The following DGKB variants were observed in gnomAD, a reference collection of about 807,000 sequenced individuals.
DGKB encodes diacylglycerol kinase beta.
DGKB carries 67 observed loss-of-function variants against 114.3 expected under a neutral mutation model. The observed-to-expected ratio is 0.59, with a 90% CI of 0.48 to 0.72. The LOEUF is 0.72. Among genes scored for constraint, DGKB ranks in the 30% least tolerant of loss-of-function variants. DGKB has a pLI of 0.00. For synonymous variants in DGKB, 398 were observed against 323.1 expected (o/e 1.23, Z -2.49); for missense variants, 907 against 975.2 (o/e 0.93, Z 0.93).
intron 13 of DGKB, among the ~76,000 whole-genome samples, chr7:14,644,095 T>C (rs1157852478): frequency 1.3e-5 from 2 of 149,406 alleles, no homozygotes; most frequent in Non-Finnish European, 3.0e-5. Context: ...AAATCACATA[T>C]GCTACTGATT....
At chr7:14,753,824 T>C in intron 4 of DGKB, 104 bp downstream of exon 4, 1 of 794,318 alleles carries the variant, frequency 1.3e-6, no homozygotes, top group Non-Finnish European at 2.1e-6. Context: ...ATAGAAATCA[T>C]ATTGGTACAG....
intron 13 of DGKB, among the ~76,000 whole-genome samples, chr7:14,652,885 C>CA (rs1284367520): frequency 2.6e-5 from 4 of 151,744 alleles, no homozygotes; most frequent in East Asian, 1.9e-4. Context: ...TTTATGCAGC[C>CA]AAAAAAACAC....
intron 1 of DGKB, among the ~76,000 whole-genome samples, chr7:14,879,737 T>C (rs1853925519): frequency 6.6e-6 from 1 of 152,144 alleles, no homozygotes; most frequent in Admixed American, 6.5e-5. Flanking sequence ...CATGGTAAAA[T>C]ACCTCAATGC....
At chr7:14,715,329 C>T (rs1026159545) in intron 6 of DGKB, among the ~76,000 whole-genome samples, 1 of 152,018 alleles carries the variant, frequency 6.6e-6, no homozygotes, top group Non-Finnish European at 1.5e-5. Context: ...AAGTGAATGG[C>T]TGAAAGAAAA....
chr7:14,330,418 A>C (rs1809520111), intron 23 of DGKB, among the ~76,000 whole-genome samples: 1 of 151,980 alleles, frequency 6.6e-6, no homozygotes, highest in East Asian at 1.9e-4. Context: ...CTTTTCAGGA[A>C]TGAACAAATT....
intron 5 of DGKB, among the ~76,000 whole-genome samples, chr7:14,726,865 C>T (rs73682513): frequency 0.019 from 2,954 of 152,168 alleles, 90 homozygotes; most frequent in African/African-American, 0.067. Flanking sequence ...TAAAACCAGA[C>T]CCCAGGTACT....
chr7:14,914,904 G>T (rs143317029), intron 1 of DGKB, among the ~76,000 whole-genome samples: 1 of 152,002 alleles, frequency 6.6e-6, no homozygotes, highest in Non-Finnish European at 1.5e-5. Flanking sequence ...GGTCTCATCC[G>T]TAGACTGGAC....
At chr7:14,359,105 T>C (rs1237933216) in intron 21 of DGKB, among the ~76,000 whole-genome samples, 2 of 151,732 alleles carry the variant, frequency 1.3e-5, no homozygotes, top group Non-Finnish European at 2.9e-5. Context: ...AAAACAGATA[T>C]ATATATATAT....
At chr7:14,464,215 C>T (rs1833512463) in intron 21 of DGKB, among the ~76,000 whole-genome samples, 1 of 151,752 alleles carries the variant, frequency 6.6e-6, no homozygotes, top group African/African-American at 2.4e-5. Flanking sequence ...GTAAAACAGC[C>T]AAAATAATTA....
upstream of DGKB, among the ~76,000 whole-genome samples, chr7:14,906,447 CTTTTTTTTTT>C (rs34250901): frequency 6.7e-5 from 7 of 103,866 alleles, no homozygotes; most frequent in South Asian, 3.2e-4. Context: ...TTTTTTCTGT[CTTTTTTTTTT>C]TTTTTTTTTT....
intron 21 of DGKB, among the ~76,000 whole-genome samples, chr7:14,452,071 C>T (rs1045833873): frequency 5.3e-5 from 8 of 152,202 alleles, no homozygotes; most frequent in African/African-American, 1.9e-4. Flanking sequence ...TGGAAAGGTA[C>T]ACCTGTTTTT....
chr7:14,767,989 G>A (rs769756986), intron 2 of DGKB, among the ~76,000 whole-genome samples: 1 of 151,836 alleles, frequency 6.6e-6, no homozygotes, highest in African/African-American at 2.4e-5. Context: ...TTGACAATTA[G>A]TTTCTGAACA....
intron 22 of DGKB, among the ~76,000 whole-genome samples, chr7:14,344,979 T>G (rs1435102295): frequency 6.6e-6 from 1 of 151,714 alleles, no homozygotes; most frequent in Non-Finnish European, 1.5e-5. Flanking sequence ...TTATGTATTC[T>G]GCAACTTTTT....
At chr7:14,969,079 A>C (rs1787319843) in intron 1 of DGKB, among the ~76,000 whole-genome samples, 1 of 152,214 alleles carries the variant, frequency 6.6e-6, no homozygotes, top group Non-Finnish European at 1.5e-5. Context: ...AAACAATCAT[A>C]ACAATTGCAG....
At chr7:14,177,574 A>C (rs1781965136) in intron 24 of DGKB, among the ~76,000 whole-genome samples, 1 of 150,818 alleles carries the variant, frequency 6.6e-6, no homozygotes, top group Non-Finnish European at 1.5e-5. Flanking sequence ...AAAAAAAAAA[A>C]AAAAAATTGG....
chr7:14,861,494 G>A (rs1346273538), intron 1 of DGKB, among the ~76,000 whole-genome samples: 2 of 151,732 alleles, frequency 1.3e-5, no homozygotes, highest in Non-Finnish European at 2.9e-5. Flanking sequence ...GAAATGTATA[G>A]GATTATATAA....
chr7:14,885,675 G>A (rs944712905), intron 1 of DGKB, among the ~76,000 whole-genome samples: 3 of 151,822 alleles, frequency 2.0e-5, no homozygotes, highest in Non-Finnish European at 4.4e-5. Context: ...TCAATTGATG[G>A]TAATTTTGTA....
intron 21 of DGKB, among the ~76,000 whole-genome samples, chr7:14,443,506 G>C (rs1487403042): frequency 1.3e-5 from 2 of 152,046 alleles, no homozygotes; most frequent in African/African-American, 2.4e-5. Flanking sequence ...CCAAATGATA[G>C]GTTAGCTTAT....
intron 23 of DGKB, among the ~76,000 whole-genome samples, chr7:14,225,718 A>T (rs1562668723): frequency 1.3e-5 from 2 of 151,130 alleles, no homozygotes. Context: ...TTAAAAAGTG[A>T]TAGAGATTTA....
Sources: gnomAD v4.1 joint callset for allele counts (sites outside exome capture counted in the v4.1 genomes callset) on GRCh38, gnomAD v4.1.1 for gene constraint, MANE v1.5 for transcripts, NCBI Gene and HGNC (gene_info 2026-07-23, HGNC 2026-07-21) for gene names.